BLM: variants seen among roughly 807,000 people sequenced by gnomAD.
BLM encodes recQ-like DNA helicase BLM.
A neutral mutation model predicts 135.3 loss-of-function variants in BLM; 95 were observed. The ratio of observed to expected loss-of-function variants is 0.70; its 90% CI spans 0.59 to 0.83. The LOEUF is 0.83. Among genes scored for constraint, BLM ranks in the 40% least tolerant of loss-of-function variants. The pLI is 0.00. For synonymous variants in BLM, 520 were observed against 589.2 expected (o/e 0.88, Z 1.70); for missense variants, 1,518 against 1,663.9 (o/e 0.91, Z 1.53).
chr15:90,787,424 A>G (rs778072608), intron 14 of BLM, among the ~76,000 whole-genome samples: 3 of 152,196 alleles, frequency 2.0e-5, no homozygotes, highest in Admixed American at 2.0e-4. Context: ...GATGAATTTC[A>G]GCAAAACAAC....
At chr15:90,723,737 G>A (rs1460070695) in intron 1 of BLM, among the ~76,000 whole-genome samples, 1 of 152,108 alleles carries the variant, frequency 6.6e-6, no homozygotes, top group Non-Finnish European at 1.5e-5. Flanking sequence ...AATGTTGTAT[G>A]GCAGATCTCT....
chr15:90,784,785 T>C, intron 13 of BLM, 136 bp from the exon 14 acceptor site: 1 of 883,306 alleles, frequency 1.1e-6, no homozygotes, highest in South Asian at 1.6e-5. Context: ...ATTATTCACG[T>C]GTGTGGTCTT....
intron 1 of BLM, among the ~76,000 whole-genome samples, chr15:90,722,547 C>T (rs1894797987): frequency 6.6e-6 from 1 of 152,000 alleles, no homozygotes; most frequent in African/African-American, 2.4e-5. Flanking sequence ...AGATCAGGAT[C>T]ACGCCATTGC....
At chr15:90,753,756 T>G (rs1366459824) in intron 4 of BLM, among the ~76,000 whole-genome samples, 1 of 152,196 alleles carries the variant, frequency 6.6e-6, no homozygotes, top group Non-Finnish European at 1.5e-5. Context: ...GAGAGACCTG[T>G]TTTTCAAACT....
At chr15:90,740,035 G>A (rs919166459) in intron 1 of BLM, among the ~76,000 whole-genome samples, 4 of 152,112 alleles carry the variant, frequency 2.6e-5, no homozygotes, top group Non-Finnish European at 5.9e-5. Context: ...AAAGGGCTGG[G>A]ATTACAGGCA....
intron 1 of BLM, among the ~76,000 whole-genome samples, chr15:90,724,104 C>G (rs965862221): frequency 6.6e-6 from 1 of 152,140 alleles, no homozygotes; most frequent in Admixed American, 6.6e-5. Flanking sequence ...CCTCTAACTC[C>G]TGGGCTCAGA....
chr15:90,812,474 A>C (rs996742048), intron 21 of BLM, among the ~76,000 whole-genome samples: 2 of 152,110 alleles, frequency 1.3e-5, no homozygotes, highest in Non-Finnish European at 2.9e-5. Context: ...CTTTCTTCAT[A>C]ATTGCATTGT....
At chr15:90,720,044 C>A (rs945580058) in intron 1 of BLM, among the ~76,000 whole-genome samples, 2 of 152,176 alleles carry the variant, frequency 1.3e-5, no homozygotes, top group Admixed American at 6.5e-5. Flanking sequence ...ATTCAGTGTT[C>A]TTTGAAAAGC....
chr15:90,815,448 T>C lies in BLM; in HGVS notation c.*169T>C. Reference sequence around the variant, plus strand: ...GTTCTTCTTTTTAAAATAAACATTTTCTTTTGAATAAGCATGTTTTGCTGC... The same window carrying C: ...GTTCTTCTTTTTAAAATAAACATTTCCTTTTGAATAAGCATGTTTTGCTGC... On this transcript the variant is annotated 3_prime_UTR_variant, in exon 22 of 22. Coordinates refer to ENST00000355112, the MANE Select transcript of BLM (RefSeq NM_000057.4). The surrounding 1 kb of genome is among the most constrained non-coding windows in gnomAD (Gnocchi z 4.6). The C allele has an allele frequency of 1.3e-6, 1 of 779,422 alleles. No individual in the cohort carries two copies. The highest frequency in any genetic ancestry group is 2.7e-5 in the East Asian group (1 of 36,616). 48.3% of individuals were successfully genotyped at this position (779,422 alleles called of 1,614,324 possible). A position where few individuals can be genotyped will look rare whatever the true frequency, so the allele number is the denominator to read the frequency against.
chr15:90,810,564 T>C (rs529910845), intron 20 of BLM, among the ~76,000 whole-genome samples: 19 of 152,224 alleles, frequency 1.2e-4, no homozygotes, highest in African/African-American at 4.3e-4. Context: ...GTTTCATGCT[T>C]TTTGGGTGCC....
At chr15:90,762,030 A>G (rs1896001131) in intron 7 of BLM, among the ~76,000 whole-genome samples, 1 of 152,126 alleles carries the variant, frequency 6.6e-6, no homozygotes, top group South Asian at 2.1e-4. Flanking sequence ...ATGACTTAAT[A>G]CCACGGAGGT....
intron 1 of BLM, among the ~76,000 whole-genome samples, chr15:90,733,231 G>C (rs1273886898): frequency 6.6e-6 from 1 of 152,186 alleles, no homozygotes; most frequent in Admixed American, 6.5e-5. Flanking sequence ...TTTTATAACA[G>C]GATTAATTTA....
chr15:90,774,635 A>G (rs1896422987), intron 12 of BLM, among the ~76,000 whole-genome samples: 1 of 151,078 alleles, frequency 6.6e-6, no homozygotes, highest in Non-Finnish European at 1.5e-5. Flanking sequence ...GGAGTTGGAG[A>G]CCAGCCTGGC....
intron 14 of BLM, among the ~76,000 whole-genome samples, chr15:90,785,998 C>CTTTTTTTT (rs869185558): frequency 4.0e-4 from 44 of 110,708 alleles, no homozygotes; most frequent in South Asian, 6.4e-4. Flanking sequence ...TCGTTTCTTT[C>CTTTTTTTT]TTTTTTTTTT....
intron 1 of BLM, among the ~76,000 whole-genome samples, chr15:90,743,039 C>T (rs1895409710): frequency 6.6e-6 from 1 of 150,902 alleles, no homozygotes; most frequent in Non-Finnish European, 1.5e-5. Context: ...CTCACTGTCA[C>T]CCCAGCTGGA....
rs545959238 is a variant in BLM, at chr15:90,740,982, G to A, written c.-4-6407G>A. Among the ~76,000 whole-genome samples, 20 of 152,242 alleles carry A rather than the reference G, an allele frequency of 1.3e-4. 1 individual carries two copies. The South Asian group carries it at 3.7e-3, about 28-fold the overall frequency. ...GCAGTATGAAAATGGACTAGAACAC[G>A]TGGTGACTATGTTTCGTTTTTTGAG... On this transcript the variant is annotated intron_variant, in intron 1 of 21. Transcript: ENST00000355112.
At chr15:90,722,765 A>G (rs1352580939) in intron 1 of BLM, among the ~76,000 whole-genome samples, 1 of 152,198 alleles carries the variant, frequency 6.6e-6, no homozygotes, top group Non-Finnish European at 1.5e-5. Context: ...ATAGAATATT[A>G]CCAGGATCCC....
intron 5 of BLM, 152 bp from the exon 6 acceptor site, chr15:90,759,995 G>A (rs1172256963): frequency 3.5e-6 from 2 of 574,948 alleles, no homozygotes; most frequent in Non-Finnish European, 6.1e-6. Flanking sequence ...TCACTGTGTT[G>A]CCCAGGCTGG....
chr15:90,720,391 G>T (rs766383176), intron 1 of BLM, among the ~76,000 whole-genome samples: 2 of 152,026 alleles, frequency 1.3e-5, no homozygotes, highest in Non-Finnish European at 2.9e-5. Flanking sequence ...AAAAATTCCC[G>T]TATTTTATTG....
Sources: gnomAD v4.1 joint callset for allele counts (sites outside exome capture counted in the v4.1 genomes callset) on GRCh38, gnomAD v4.1.1 for gene constraint, Gnocchi (gnomAD v3.1) non-coding constraint, MANE v1.5 for transcripts, NCBI Gene and HGNC (gene_info 2026-07-23, HGNC 2026-07-21) for gene names.